Variants in MPPED2 observed in about 807,000 individuals in gnomAD.
MPPED2 encodes the protein metallophosphoesterase MPPED2.
A neutral mutation model predicts 33.0 loss-of-function variants in MPPED2; 5 were observed. That is an observed-to-expected ratio of 0.15 (90% confidence interval 0.08 to 0.32). MPPED2 has a LOEUF of 0.32. Among genes scored for constraint, MPPED2 ranks in the 10% least tolerant of loss-of-function variants. The pLI is 1.00. For missense variants in MPPED2, 275 were observed against 372.1 expected, an observed-to-expected ratio of 0.74 and a Z score of 2.15; for synonymous variants, 136 against 141.9, an observed-to-expected ratio of 0.96 and a Z score of 0.29.
chr11:30,409,957 G>T (rs1948047746), downstream of MPPED2: 2 of 381,922 alleles, frequency 5.2e-6, no homozygotes, highest in Non-Finnish European at 7.2e-6. Context: ...CAGTCTCTCT[G>T]TTCCTGTAGA....
Position 30,574,775 on chromosome 11 carries a change from T to G in MPPED2, c.128+5471A>C, listed in dbSNP as rs147381721. Among the ~76,000 whole-genome samples, 434 of 152,288 alleles carry G rather than the reference T, an allele frequency of 2.8e-3. 8 individuals carry two copies. The highest frequency in any genetic ancestry group is 5.9e-4 in the Non-Finnish European group (40 of 68,022). ...GAGACAAATTACATTTTTTATCAAT[T>G]TAAAAAAGTTTTAATCATAAAAGTG... On this transcript the variant is annotated intron_variant, in intron 2 of 6. Transcript: ENST00000358117.
At chr11:30,558,661 A>G (rs1257171927) in intron 2 of MPPED2, among the ~76,000 whole-genome samples, 3 of 151,830 alleles carry the variant, frequency 2.0e-5, no homozygotes, top group African/African-American at 7.3e-5. Context: ...GCCTCAAGTA[A>G]TAACCCTGCG....
exon 7 of MPPED2, chr11:30,386,588 T>G: frequency 2.5e-6 from 1 of 397,172 alleles, no homozygotes; most frequent in Non-Finnish European, 4.4e-6. Context: ...AAAAACAGAC[T>G]AACACATGAC....
intron 3 of MPPED2, among the ~76,000 whole-genome samples, chr11:30,504,150 C>A (rs562541984): frequency 2.6e-5 from 4 of 152,256 alleles, no homozygotes; most frequent in East Asian, 3.9e-4. Flanking sequence ...TCACCCAAGG[C>A]ACACAGAAGG....
chr11:30,410,957 CA>C lies in MPPED2; in HGVS notation c.*510del. The C allele has an allele frequency of 1.0e-6, 1 of 985,700 alleles. No homozygotes were observed. The highest frequency in any genetic ancestry group is 1.1e-4 in the East Asian group (1 of 8,814). The allele number at this position is 985,700 out of a possible 1,614,324, so 61.1% of individuals were successfully genotyped here. On this transcript the variant is annotated 3_prime_UTR_variant, in exon 7 of 7. Transcript: ENST00000358117. Reference sequence around the variant, plus strand: ...TGAGAGTATGAAAAGAAGTCTTTTCCATGCCTACTTCTGTTGAGAAGATTGC... The same window carrying C: ...TGAGAGTATGAAAAGAAGTCTTTTCCTGCCTACTTCTGTTGAGAAGATTGC...
At chr11:30,502,304 C>T (rs925038540) in intron 3 of MPPED2, among the ~76,000 whole-genome samples, 17 of 152,298 alleles carry the variant, frequency 1.1e-4, no homozygotes, top group Admixed American at 9.2e-4. Context: ...TGCCATTATC[C>T]ATCTATAGTA....
At chr11:30,510,190 A>C (rs1252692776) in intron 3 of MPPED2, among the ~76,000 whole-genome samples, 1 of 152,132 alleles carries the variant, frequency 6.6e-6, no homozygotes, top group Admixed American at 6.6e-5. Context: ...ATCACGGTTT[A>C]AGGCCATTTT....
intron 2 of MPPED2, among the ~76,000 whole-genome samples, chr11:30,567,490 G>T (rs1956497133): frequency 6.6e-6 from 1 of 151,842 alleles, no homozygotes; most frequent in African/African-American, 2.4e-5. Context: ...GCAATCAGGG[G>T]GTGCTTTTTT....
intron 6 of MPPED2, among the ~76,000 whole-genome samples, chr11:30,394,634 TTA>T (rs1432672292): frequency 2.6e-5 from 4 of 152,158 alleles, no homozygotes; most frequent in Non-Finnish European, 5.9e-5. Context: ...TAAGACTTCT[TTA>T]TATATTCTAG....
intron 2 of MPPED2, among the ~76,000 whole-genome samples, chr11:30,564,888 G>A (rs1406239276): frequency 1.3e-5 from 2 of 152,142 alleles, no homozygotes; most frequent in Non-Finnish European, 2.9e-5. Flanking sequence ...GAGCAAACAA[G>A]ATACATAAAT....
rs1331758388 is a variant in MPPED2 at position 30,411,666 on chromosome 11, C to CA, written c.767-81dup. On this transcript the variant is annotated intron_variant, in intron 6 of 6. Coordinates refer to ENST00000358117, the MANE Select transcript of MPPED2 (RefSeq NM_001584.3). ...ATGTAGGGCTGTCAGGCAAGGAAAACAAAAAATTTTTGTCAGTGGGCAGTG... is the reference window on the plus strand; with the variant it reads ...ATGTAGGGCTGTCAGGCAAGGAAAACAAAAAAATTTTTGTCAGTGGGCAGTG... The CA allele has an allele frequency of 3.8e-6, 5 of 1,327,144 alleles. No homozygotes were observed. In the African/African-American group the frequency reaches 4.4e-5, roughly 12 times the overall value. 82.2% of individuals were successfully genotyped at this position (1,327,144 alleles called of 1,614,324 possible).
chr11:30,411,814 A>G (rs1309235393), intron 6 of MPPED2, among the ~76,000 whole-genome samples: 1 of 151,692 alleles, frequency 6.6e-6, no homozygotes, highest in East Asian at 1.9e-4. Context: ...TTTTTTCTTT[A>G]TTTAAATGCT....
At chr11:30,477,580 A>G (rs1951275949) in intron 4 of MPPED2, among the ~76,000 whole-genome samples, 1 of 152,034 alleles carries the variant, frequency 6.6e-6, no homozygotes, top group Admixed American at 6.6e-5. Flanking sequence ...ATCATAATCT[A>G]TTAACCTTTC....
intron 4 of MPPED2, among the ~76,000 whole-genome samples, chr11:30,424,033 C>T (rs1031198348): frequency 2.6e-5 from 4 of 152,164 alleles, no homozygotes; most frequent in Non-Finnish European, 5.9e-5. Flanking sequence ...GAAAGCCATT[C>T]GCTCACTCGC....
rs1443363917 is a variant in MPPED2 at position 30,395,631 on chromosome 11, T to C, written c.767-6675A>G. On this transcript the variant is annotated intron_variant, in intron 6 of 6. Coordinates refer to the MPPED2 transcript ENST00000448418. ...TGCAAACATATTCCTATTTATACAG[T>C]CTGAACAGACGGCTTAGTTTGGCCT... Among the ~76,000 whole-genome samples the C allele has an allele frequency of 2.0e-5, 3 of 152,206 alleles. No individual in the cohort carries two copies. In the East Asian group the frequency reaches 5.8e-4, roughly 29 times the overall value.
intron 2 of MPPED2, among the ~76,000 whole-genome samples, chr11:30,548,698 A>G (rs1955559542): frequency 6.6e-6 from 1 of 152,238 alleles, no homozygotes; most frequent in Non-Finnish European, 1.5e-5. Context: ...TTAGGTCACC[A>G]AGCAAAGAAC....
intron 3 of MPPED2, among the ~76,000 whole-genome samples, chr11:30,500,616 A>C (rs766311421): frequency 6.6e-6 from 1 of 152,202 alleles, no homozygotes; most frequent in Non-Finnish European, 1.5e-5. Context: ...TTTGGCAAAG[A>C]TAAAATGAAA....
upstream of MPPED2, chr11:30,586,867 T>C (rs527413013): frequency 6.6e-6 from 1 of 152,356 alleles, no homozygotes; most frequent in Non-Finnish European, 1.5e-5. The surrounding 1 kb of genome is among the most constrained non-coding windows in gnomAD (Gnocchi z 4.8). Context: ...TCCCATCTGC[T>C]GATCTGAGGC....
At chr11:30,561,452 C>G (rs1419447220) in intron 2 of MPPED2, among the ~76,000 whole-genome samples, 1 of 152,126 alleles carries the variant, frequency 6.6e-6, no homozygotes, top group Non-Finnish European at 1.5e-5. Context: ...CCCAGAAAAG[C>G]AACAGAGCTG....
Sources: gnomAD v4.1 joint callset for allele counts (sites outside exome capture counted in the v4.1 genomes callset) on GRCh38, gnomAD v4.1.1 for gene constraint, Gnocchi (gnomAD v3.1) non-coding constraint, MANE v1.5 for transcripts, NCBI Gene and HGNC (gene_info 2026-07-23, HGNC 2026-07-21) for gene names.